Variants in EPB41L4A observed in about 807,000 individuals in gnomAD.
EPB41L4A encodes the protein erythrocyte membrane protein band 4.1 like 4A.
In EPB41L4A, 100 loss-of-function variants were observed where a neutral mutation model predicts 108.6. The observed-to-expected ratio is 0.92, with a 90% CI of 0.78 to 1.09. EPB41L4A has a LOEUF of 1.09. Ranked by LOEUF, EPB41L4A falls within the 50% of genes least tolerant of loss-of-function variation. The pLI is 0.00. For missense variants in EPB41L4A, 1,030 were observed against 842.7 expected, an observed-to-expected ratio of 1.22 and a Z score of -2.75; for synonymous variants, 319 against 289.0, an observed-to-expected ratio of 1.10 and a Z score of -1.05.
chr5:112,282,910 T>C (rs1753060378), intron 2 of EPB41L4A, among the ~76,000 whole-genome samples: 2 of 152,188 alleles, frequency 1.3e-5, no homozygotes, highest in African/African-American at 4.8e-5. Context: ...TGATTCATTT[T>C]GTTTTGTTTT....
chr5:112,195,485 G>A (rs1431366540), intron 16 of EPB41L4A, among the ~76,000 whole-genome samples, 176 bp downstream of exon 16: 1 of 151,990 alleles, frequency 6.6e-6, no homozygotes, highest in Non-Finnish European at 1.5e-5. Context: ...GCAGGAAACA[G>A]CACAGTCTTA....
At chr5:112,166,554 C>T (rs1760262225) in intron 22 of EPB41L4A, among the ~76,000 whole-genome samples, 1 of 142,562 alleles carries the variant, frequency 7.0e-6, no homozygotes, top group Admixed American at 7.2e-5. Flanking sequence ...TGCCAGGTCT[C>T]AGCTTTAAAT....
intron 1 of EPB41L4A, among the ~76,000 whole-genome samples, chr5:112,394,585 A>C (rs1023378535): frequency 6.6e-6 from 1 of 152,226 alleles, no homozygotes; most frequent in African/African-American, 2.4e-5. Context: ...TCAATGAAAT[A>C]AAAGAGGACA....
chr5:112,262,610 T>C, intron 6 of EPB41L4A, 29 bp from the exon 7 acceptor site: 1 of 1,576,508 alleles, frequency 6.3e-7, no homozygotes, highest in Non-Finnish European at 8.7e-7. Flanking sequence ...CAAAGAGCCT[T>C]ATTTTACAGC....
At chr5:112,303,729 AGTGAT>A (rs1243630974) in intron 2 of EPB41L4A, among the ~76,000 whole-genome samples, 6 of 152,202 alleles carry the variant, frequency 3.9e-5, no homozygotes, top group African/African-American at 2.4e-5. Context: ...GGCCAGTTTC[AGTGAT>A]GTGATCGGGA....
chr5:112,197,853 G>C (rs1379357251), intron 15 of EPB41L4A, among the ~76,000 whole-genome samples: 1 of 152,102 alleles, frequency 6.6e-6, no homozygotes, highest in Non-Finnish European at 1.5e-5. Context: ...GTTGCTAACA[G>C]AAAAATTTGC....
Position 112,205,445 on chromosome 5 carries a change from G to C in EPB41L4A, c.1238C>G (p.Pro413Arg). ...CCTCTGGGGGCCATTTTCTTCCCAC[G>C]GTGCATGAGATTTGCTTCTTTGGGT... ...PDTQRSKSHA[P>R]WEENGPQSGL... is the part of the protein sequence containing the mutation. The change falls in exon 14 of 23, where the codon CCG becomes CGG. Residue 413 changes from proline (P) to arginine (R), a missense_variant. By Grantham distance (103) the Pro-to-Arg change is moderately radical. Coordinates refer to ENST00000261486, the MANE Select transcript of EPB41L4A (RefSeq NM_022140.5). The C allele has an allele frequency of 6.2e-7, 1 of 1,613,410 alleles. No homozygotes were observed. Among genetic ancestry groups the C allele is most frequent in the South Asian group, 1.1e-5 (1 of 91,014 alleles).
At chr5:112,185,587 A>G (rs1377333515) in intron 17 of EPB41L4A, among the ~76,000 whole-genome samples, 1 of 152,306 alleles carries the variant, frequency 6.6e-6, no homozygotes, top group East Asian at 1.9e-4. Flanking sequence ...TTTCCTCACT[A>G]AAGTTTTCAT....
chr5:112,376,376 G>A (rs1239446421), intron 1 of EPB41L4A, among the ~76,000 whole-genome samples: 1 of 152,046 alleles, frequency 6.6e-6, no homozygotes, highest in Non-Finnish European at 1.5e-5. Flanking sequence ...AAATAGTGAC[G>A]CCACCAAATT....
chr5:112,346,081 C>G (rs979831610), intron 1 of EPB41L4A, among the ~76,000 whole-genome samples: 10 of 151,940 alleles, frequency 6.6e-5, no homozygotes, highest in African/African-American at 1.9e-4. Context: ...ACACACTCCA[C>G]AATTATTTTT....
chr5:112,302,236 T>C (rs528810420), intron 2 of EPB41L4A, among the ~76,000 whole-genome samples: 2 of 152,276 alleles, frequency 1.3e-5, no homozygotes, highest in Admixed American at 1.3e-4. Flanking sequence ...CCAGGTATGG[T>C]GGCTCACACC....
chr5:112,194,537 G>A lies in EPB41L4A; in HGVS notation c.1502+31C>T, dbSNP rs199901493. 32 of 1,308,926 alleles carry A rather than the reference G, an allele frequency of 2.4e-5. No individual in the cohort carries two copies. In the African/African-American group the frequency reaches 3.5e-4, roughly 14 times the overall value. 81.1% of individuals were successfully genotyped at this position (1,308,926 alleles called of 1,614,324 possible). Reference sequence around the variant, plus strand: ...ACCAAGGGCAGCCTCTGATTTCAGAGTGCCAGTTAATTATAATATTGAGAT... The same window carrying A: ...ACCAAGGGCAGCCTCTGATTTCAGAATGCCAGTTAATTATAATATTGAGAT... On this transcript the variant is annotated intron_variant, in intron 17 of 22. Coordinates refer to ENST00000261486, the MANE Select transcript of EPB41L4A (RefSeq NM_022140.5).
chr5:112,322,599 T>G (rs1755867048), intron 1 of EPB41L4A, among the ~76,000 whole-genome samples: 1 of 151,944 alleles, frequency 6.6e-6, no homozygotes, highest in Admixed American at 6.6e-5. Context: ...ACCTCAAAGG[T>G]CACTGTGCCG....
intron 1 of EPB41L4A, among the ~76,000 whole-genome samples, chr5:112,343,353 G>T (rs1443035162): frequency 6.6e-6 from 1 of 152,096 alleles, no homozygotes; most frequent in East Asian, 1.9e-4. Flanking sequence ...GACTGCCTGG[G>T]TTTGAATTTC....
At chr5:112,369,924 G>A (rs712681) in intron 1 of EPB41L4A, among the ~76,000 whole-genome samples, 4,211 of 151,622 alleles carry the variant, frequency 0.028, 182 homozygotes, top group African/African-American at 0.097. Context: ...TGAGGTGTAG[G>A]TCTGAAGAAC....
At chr5:112,328,374 C>T (rs201259027) in intron 1 of EPB41L4A, among the ~76,000 whole-genome samples, 1 of 148,446 alleles carries the variant, frequency 6.7e-6, no homozygotes, top group South Asian at 2.1e-4. Context: ...TTGCACTTGG[C>T]TTTCCCAAAG....
intron 2 of EPB41L4A, among the ~76,000 whole-genome samples, chr5:112,285,299 G>A (rs1753215216): frequency 6.6e-6 from 1 of 152,128 alleles, no homozygotes; most frequent in Non-Finnish European, 1.5e-5. Context: ...TAAAAACAGA[G>A]TTGGTCATGT....
chr5:112,337,223 A>G (rs552591350), intron 1 of EPB41L4A, among the ~76,000 whole-genome samples: 9 of 152,298 alleles, frequency 5.9e-5, no homozygotes, highest in South Asian at 2.1e-4. Flanking sequence ...CTAGCTACAT[A>G]TAAGTTTCTC....
At chr5:112,272,297 C>A (rs183212321) in intron 4 of EPB41L4A, among the ~76,000 whole-genome samples, 1 of 151,560 alleles carries the variant, frequency 6.6e-6, no homozygotes, top group Non-Finnish European at 1.5e-5. Flanking sequence ...CCCGCCGCCA[C>A]GCGCAGCTGA....
Sources: allele counts gnomAD v4.1 joint callset (sites outside exome capture counted in the v4.1 genomes callset), GRCh38; gene constraint gnomAD v4.1.1; transcripts MANE v1.5; gene names NCBI Gene and HGNC (gene_info 2026-07-23, HGNC 2026-07-21).